Variants in PRDM10 observed in about 807,000 individuals in gnomAD.
The protein encoded by PRDM10 is PR domain zinc finger protein 10.
Under a neutral mutation model 133.1 loss-of-function variants are expected in PRDM10, and 65 were observed. That is an observed-to-expected ratio of 0.49 (90% CI 0.40 to 0.60). The LOEUF is 0.60. PRDM10 is among the 20% of genes least tolerant of loss of function. PRDM10 has a pLI of 0.00. For synonymous variants in PRDM10, 582 were observed against 580.4 expected, an observed-to-expected ratio of 1.00 and a Z score of -0.04; for missense variants, 1,137 against 1,507.1, an observed-to-expected ratio of 0.75 and a Z score of 4.07.
At chr11:129,935,066 A>C in intron 9 of PRDM10, 35 bp downstream of exon 9, 2 of 1,533,618 alleles carry the variant, frequency 1.3e-6, no homozygotes, top group Non-Finnish European at 1.8e-6. Flanking sequence ...AACCTTTATG[A>C]ACTCAGTCTG....
chr11:129,930,097 T>C (rs1271837683), intron 11 of PRDM10, among the ~76,000 whole-genome samples: 1 of 152,198 alleles, frequency 6.6e-6, no homozygotes, highest in Admixed American at 6.5e-5. Context: ...AGGCATGGAC[T>C]AGACTATTTT....
chr11:129,977,477 T>C (rs1453973098), intron 1 of PRDM10, among the ~76,000 whole-genome samples: 2 of 151,892 alleles, frequency 1.3e-5, no homozygotes, highest in African/African-American at 4.8e-5. Flanking sequence ...AGAGACTGGG[T>C]TTCACCATGT....
intron 4 of PRDM10, among the ~76,000 whole-genome samples, chr11:129,953,220 C>T (rs111569220): frequency 0.11 from 15,997 of 149,018 alleles, 1,263 homozygotes; most frequent in African/African-American, 0.21. Flanking sequence ...TCAGGTGATC[C>T]GCCCACCTTG....
chr11:129,936,572 G>A (rs774797139), intron 8 of PRDM10, among the ~76,000 whole-genome samples: 13 of 152,078 alleles, frequency 8.5e-5, no homozygotes, highest in Non-Finnish European at 1.3e-4. Flanking sequence ...AGAATGGCGT[G>A]AGCCCGGGAG....
chr11:129,955,989 G>A (rs1022710579), intron 3 of PRDM10, among the ~76,000 whole-genome samples: 1 of 152,172 alleles, frequency 6.6e-6, no homozygotes, highest in Non-Finnish European at 1.5e-5. Context: ...CAGGCATCTA[G>A]AAGAGGATTA....
chr11:129,946,245 G>A (rs1353440176), intron 5 of PRDM10, among the ~76,000 whole-genome samples: 3 of 151,622 alleles, frequency 2.0e-5, no homozygotes, highest in African/African-American at 7.3e-5. Context: ...CCAAGACCCT[G>A]TCTCAAAATT....
intron 20 of PRDM10, among the ~76,000 whole-genome samples, chr11:129,905,340 C>T (rs1320807897): frequency 7.5e-5 from 10 of 133,988 alleles, no homozygotes; most frequent in South Asian, 7.0e-4. Flanking sequence ...TCCAGCCTGG[C>T]GACACAGCAA....
At chr11:129,991,888 C>T (rs1591705033) in intron 1 of PRDM10, among the ~76,000 whole-genome samples, 1 of 150,648 alleles carries the variant, frequency 6.6e-6, no homozygotes, top group African/African-American at 2.4e-5. Flanking sequence ...GGAGCTGAGA[C>T]AGGAGTATCA....
In PRDM10 at chr11:129,983,169, G is replaced by A. The variant is rs572988578; in HGVS notation, c.-119+19553C>T. ...TTTTTTGTATTTTTAGTAGGGACAA[G>A]TTTTCGCCATGTTGGCCAGACTGGT... On this transcript the variant is annotated intron_variant, in intron 1 of 20. Coordinates refer to ENST00000360871, the MANE Select transcript of PRDM10 (RefSeq NM_199437.2). 6.6e-5 allele frequency among the ~76,000 whole-genome samples: 10 copies of A among 151,838 alleles called. 1 individual carries two copies. In the South Asian group the frequency reaches 2.1e-3, roughly 32 times the overall value.
chr11:129,944,913 C>T lies in PRDM10; in HGVS notation c.620G>A (p.Ser207Asn). 1.9e-6 allele frequency: 3 copies of T among 1,614,064 alleles called. No individual in the cohort carries two copies. The highest frequency in any genetic ancestry group is 2.5e-6 in the Non-Finnish European group (3 of 1,180,018). ...NRPVLTRARA[S>N]LPLVLYIDRF... ...GTCTATGTAGAGCACCAGGGGGAGG[C>T]TCGCCCTGGCCCGGGTGAGCACCGG... The change falls in exon 6 of 21, where the codon AGC (serine) becomes AAC (asparagine). Residue 207 changes from serine to asparagine, a missense_variant. Ser to Asn is a conservative substitution (Grantham distance 46, BLOSUM62 1). Around this residue, in one of 6 missense-constraint regions of PRDM10, gnomAD observed 635 missense variants for 835.2 expected, o/e 0.76. Coordinates refer to ENST00000360871, the MANE Select transcript of PRDM10 (RefSeq NM_199437.2).
At chr11:129,926,814 T>G (rs1950692499) in intron 11 of PRDM10, among the ~76,000 whole-genome samples, 1 of 152,210 alleles carries the variant, frequency 6.6e-6, no homozygotes, top group African/African-American at 2.4e-5. Flanking sequence ...TAGGAAGTCT[T>G]CAAAAGTAGT....
chr11:130,002,064 T>C (rs1939428723), intron 1 of PRDM10, among the ~76,000 whole-genome samples: 1 of 150,982 alleles, frequency 6.6e-6, no homozygotes, highest in African/African-American at 2.4e-5. Flanking sequence ...GGGCGCCCCA[T>C]CGAACAGGAC....
chr11:129,909,056 C>T (rs1950100810), intron 19 of PRDM10, among the ~76,000 whole-genome samples: 1 of 151,966 alleles, frequency 6.6e-6, no homozygotes, highest in South Asian at 2.1e-4. Flanking sequence ...ACAGGAATTA[C>T]ACTGAGTACA....
chr11:129,926,240 C>G (rs1311517627), intron 11 of PRDM10, among the ~76,000 whole-genome samples: 2 of 152,154 alleles, frequency 1.3e-5, no homozygotes, highest in Admixed American at 1.3e-4. Flanking sequence ...GCAAACCCAT[C>G]GCCACTACTG....
Position 129,923,399 on chromosome 11 carries a change from T to C in PRDM10, c.1883A>G (p.Lys628Arg). 1 of 1,605,120 alleles carries C rather than the reference T, an allele frequency of 6.2e-7. No homozygotes were observed. Among genetic ancestry groups the C allele is most frequent in the Non-Finnish European group, 8.5e-7 (1 of 1,176,082 alleles). Residue 628 changes from lysine (K) to arginine (R), a missense_variant, in exon 13 of 21, where the codon AAA becomes AGA. Transcript: ENST00000360871. The surrounding 1 kb of genome is among the most constrained non-coding windows in gnomAD (Gnocchi z 4.4). ...TGAGTGGAAGCTGCGCACGTGTTTT[T>C]TCACCTGGTGATAAGAACCACAGGA... ...KKRFPDFIQV[K>R]KHVRSFHSEK... is the part of the protein sequence containing the mutation.
intron 1 of PRDM10, among the ~76,000 whole-genome samples, chr11:129,977,963 TAAAA>T (rs200249658): frequency 6.9e-6 from 1 of 145,782 alleles, no homozygotes; most frequent in Admixed American, 6.8e-5. Flanking sequence ...ACCCTGTCTT[TAAAA>T]AAAAAAAGAA....
rs78552536 is a variant in PRDM10, at chr11:129,937,159, C to T, written c.1039+439G>A. Among the ~76,000 whole-genome samples the T allele has an allele frequency of 9.0e-3, 1,365 of 152,300 alleles. 18 individuals are homozygous for T. The highest frequency in any genetic ancestry group is 0.031 in the African/African-American group (1,274 of 41,560). ...CAAAGAAACTTCTAGGGCACAGTAA[C>T]GCTGTTTCTTGATCTGGGTGCAGGT... On this transcript the variant is annotated intron_variant, in intron 8 of 20. Transcript: ENST00000360871.
At chr11:129,982,398 G>C (rs1469777851) in intron 1 of PRDM10, among the ~76,000 whole-genome samples, 1 of 151,972 alleles carries the variant, frequency 6.6e-6, no homozygotes, top group Non-Finnish European at 1.5e-5. Flanking sequence ...AAGTAGCTGG[G>C]ATTACAGGTG....
At chr11:129,995,654 CG>C (rs1939018575) in intron 1 of PRDM10, among the ~76,000 whole-genome samples, 1 of 151,724 alleles carries the variant, frequency 6.6e-6, no homozygotes, top group African/African-American at 2.4e-5. Flanking sequence ...AAAAAAAAGG[CG>C]GGGGAGAGGG....
Sources: gnomAD v4.1 joint callset for allele counts (sites outside exome capture counted in the v4.1 genomes callset) on GRCh38, gnomAD v4.1.1 for gene constraint, gnomAD v4.1.1 regional missense constraint, Gnocchi (gnomAD v3.1) non-coding constraint, MANE v1.5 for transcripts, NCBI Gene and HGNC (gene_info 2026-07-23, HGNC 2026-07-21) for gene names.